The following PHAX variants were observed in gnomAD, a reference collection of about 807,000 sequenced individuals.
The protein encoded by PHAX is phosphorylated adapter RNA export protein.
Under a neutral mutation model 41.6 loss-of-function variants are expected in PHAX, and 31 were observed. The ratio of observed to expected loss-of-function variants is 0.75; its 90% CI spans 0.56 to 1.01. The LOEUF is 1.01. PHAX is among the 50% of genes least tolerant of loss of function. PHAX has a pLI of 0.00. For synonymous variants in PHAX, 175 were observed against 164.9 expected (o/e 1.06, Z -0.47); for missense variants, 453 against 472.9 (o/e 0.96, Z 0.39).
chr5:126,604,275 T>A, intron 2 of PHAX, 92 bp downstream of exon 2: 2 of 181,050 alleles, frequency 1.1e-5, no homozygotes, highest in Non-Finnish European at 1.7e-5. Context: ...GATATGTTCC[T>A]TTTTTTTTTT....
chr5:126,603,008 G>GA (rs67361490), intron 1 of PHAX, among the ~76,000 whole-genome samples: 6,500 of 99,858 alleles, frequency 0.065, 518 homozygotes, highest in African/African-American at 0.2. Context: ...CCCATCTCAA[G>GA]AAAAAAAAAA....
intron 1 of PHAX, among the ~76,000 whole-genome samples, chr5:126,602,253 C>T (rs1015975301): frequency 1.3e-5 from 2 of 152,242 alleles, no homozygotes; most frequent in African/African-American, 2.4e-5. Context: ...GGCCCAGCTT[C>T]CCTGCTTTCT....
At chr5:126,607,388 C>CTTTTTT (rs58375322) in intron 2 of PHAX, among the ~76,000 whole-genome samples, 3 of 85,404 alleles carry the variant, frequency 3.5e-5, no homozygotes, top group African/African-American at 5.0e-5. Context: ...GGTCTGAATT[C>CTTTTTT]TTTTTTTTTT....
intron 1 of PHAX, 154 bp from the exon 2 acceptor site, chr5:126,603,416 A>C (rs1751934653): frequency 2.5e-6 from 2 of 788,376 alleles, no homozygotes; most frequent in African/African-American, 3.5e-5. Context: ...TTCCATGTGG[A>C]ACTTAGAAAA....
chr5:126,609,976 A>G (rs574285616), intron 3 of PHAX, among the ~76,000 whole-genome samples: 131 of 152,238 alleles, frequency 8.6e-4, no homozygotes, highest in African/African-American at 2.6e-3. Context: ...AGCTCAGGCA[A>G]TCCGCCTGCC....
chr5:126,611,151 G>A (rs948981175), intron 3 of PHAX, among the ~76,000 whole-genome samples: 11 of 151,786 alleles, frequency 7.2e-5, no homozygotes, highest in African/African-American at 2.2e-4. Context: ...TGCCTCCCGG[G>A]TTCAAGCGAT....
intron 3 of PHAX, among the ~76,000 whole-genome samples, chr5:126,613,513 C>CA (rs1160027079): frequency 1.3e-5 from 2 of 151,666 alleles, no homozygotes; most frequent in African/African-American, 2.4e-5. Context: ...TTATCTCTAC[C>CA]AAAAAAATAC....
At chr5:126,616,869 A>AAAC (rs1294682566) in intron 3 of PHAX, among the ~76,000 whole-genome samples, 3 of 146,792 alleles carry the variant, frequency 2.0e-5, no homozygotes, top group Admixed American at 1.4e-4. Context: ...CGAAAGAGTG[A>AAAC]AACTCCATCT....
In PHAX at chr5:126,612,421, C is replaced by T. The variant is rs147252200; in HGVS notation, c.831+3937C>T. Among the ~76,000 whole-genome samples the T allele has an allele frequency of 1.6e-3, 249 of 152,176 alleles. 4 individuals are homozygous for T. In the East Asian group the frequency reaches 0.038, roughly 23 times the overall value. ...CAGATAAGAAATGCATTTCCTAGGC[C>T]GGGCGTGGTGGCTCACACCTGTAAT... On this transcript the variant is annotated intron_variant, in intron 3 of 4. Coordinates refer to ENST00000297540, the MANE Select transcript of PHAX (RefSeq NM_032177.4).
chr5:126,613,663 A>T (rs975914157), intron 3 of PHAX, among the ~76,000 whole-genome samples: 3 of 152,176 alleles, frequency 2.0e-5, no homozygotes, highest in Admixed American at 6.6e-5. Flanking sequence ...CTGGGTGAAG[A>T]GCGAGACTGT....
chr5:126,614,880 C>T (rs760204492), intron 3 of PHAX, among the ~76,000 whole-genome samples: 2 of 152,084 alleles, frequency 1.3e-5, no homozygotes, highest in East Asian at 1.9e-4. Context: ...CCTCAGCCTC[C>T]GAAGTAGCTG....
In PHAX at chr5:126,604,142, G is replaced by T. The variant is rs562584736; in HGVS notation, c.669G>T (p.Ala223=). ...ATAAAGGTCGATACGAGATCACAGC[G>T]GAAGATTCTCAAGAGAAAGTGGCTG... ...MNYKGRYEIT[A]EDSQEKVADE... The change falls in exon 2 of 5, where the codon GCG becomes GCT. Residue 223 remains alanine (A), a synonymous_variant. Coordinates refer to ENST00000297540, the MANE Select transcript of PHAX (RefSeq NM_032177.4). The T allele has an allele frequency of 4.1e-5, 64 of 1,556,804 alleles. No homozygotes were observed. Among genetic ancestry groups the T allele is most frequent in the Non-Finnish European group, 5.4e-5 (62 of 1,154,460 alleles).
intron 4 of PHAX, 133 bp from the exon 5 acceptor site, chr5:126,624,442 A>C (rs933755396): frequency 5.4e-6 from 4 of 738,638 alleles, no homozygotes; most frequent in East Asian, 2.6e-5. Flanking sequence ...CTTGAACTCC[A>C]TCTTAATAAT....
At chr5:126,611,254 A>G (rs1355184736) in intron 3 of PHAX, among the ~76,000 whole-genome samples, 1 of 152,028 alleles carries the variant, frequency 6.6e-6, no homozygotes, top group Non-Finnish European at 1.5e-5. Flanking sequence ...GGGTTTCTCC[A>G]TGTTGAGCAG....
chr5:126,624,170 G>A (rs941074818), intron 4 of PHAX, among the ~76,000 whole-genome samples: 7 of 151,802 alleles, frequency 4.6e-5, no homozygotes, highest in South Asian at 2.1e-4. Flanking sequence ...CACCACAGCC[G>A]GCTACTTTTT....
chr5:126,605,873 G>A (rs1751980919), intron 2 of PHAX, among the ~76,000 whole-genome samples: 1 of 152,022 alleles, frequency 6.6e-6, no homozygotes, highest in African/African-American at 2.4e-5. Flanking sequence ...TCTTAACTTT[G>A]AGGTATATTT....
chr5:126,612,402 A>C (rs143904803), intron 3 of PHAX, among the ~76,000 whole-genome samples: 26 of 152,292 alleles, frequency 1.7e-4, no homozygotes, highest in Admixed American at 3.3e-4. Flanking sequence ...TGAACAGATA[A>C]GAAATGCATT....
At chr5:126,618,325 G>A (rs762615393) in intron 4 of PHAX, among the ~76,000 whole-genome samples, 5 of 151,834 alleles carry the variant, frequency 3.3e-5, no homozygotes, top group Admixed American at 6.6e-5. Context: ...GTAAGGGCAG[G>A]CAATGAGTCT....
chr5:126,605,380 C>T (rs746425205), intron 2 of PHAX, among the ~76,000 whole-genome samples: 2 of 151,842 alleles, frequency 1.3e-5, no homozygotes, highest in Non-Finnish European at 2.9e-5. Context: ...TGAATACATT[C>T]GTAATGTATT....
Sources: allele counts gnomAD v4.1 joint callset (sites outside exome capture counted in the v4.1 genomes callset), GRCh38; gene constraint gnomAD v4.1.1; transcripts MANE v1.5; gene names NCBI Gene and HGNC (gene_info 2026-07-23, HGNC 2026-07-21).